KIAA0319L: variants seen among roughly 807,000 people sequenced by gnomAD.
KIAA0319L encodes KIAA0319 like.
KIAA0319L carries 55 observed loss-of-function variants against 120.1 expected under a neutral mutation model. The observed-to-expected ratio is 0.46, with a 90% confidence interval of 0.37 to 0.57. The LOEUF is 0.57. Among genes scored for constraint, KIAA0319L ranks in the 20% least tolerant of loss-of-function variants. The probability of loss-of-function intolerance (pLI) is 0.00; values close to 1 mark genes in which losing one functional copy is unlikely to be tolerated. For synonymous variants in KIAA0319L, 398 were observed against 471.9 expected, an observed-to-expected ratio of 0.84 and a Z score of 2.03; for missense variants, 1,049 against 1,255.3, an observed-to-expected ratio of 0.84 and a Z score of 2.48.
chr1:35,509,000 T>C (rs1645316123), intron 2 of KIAA0319L, among the ~76,000 whole-genome samples: 1 of 152,164 alleles, frequency 6.6e-6, no homozygotes, highest in Non-Finnish European at 1.5e-5. Flanking sequence ...ATAAAGCAAC[T>C]GTTTTTAGAC....
At chr1:35,481,762 G>C (rs988888214) in intron 3 of KIAA0319L, among the ~76,000 whole-genome samples, 27 of 147,076 alleles carry the variant, frequency 1.8e-4, no homozygotes, top group Non-Finnish European at 3.6e-4. Flanking sequence ...GATTCCTCAT[G>C]CTCCTTTGTA....
At chr1:35,541,247 A>T (rs1336846602) in intron 2 of KIAA0319L, among the ~76,000 whole-genome samples, 6 of 151,616 alleles carry the variant, frequency 4.0e-5, no homozygotes, top group Non-Finnish European at 5.9e-5. Context: ...TGGTCTTACC[A>T]CTGCATTTCT....
At chr1:35,454,182 A>C in intron 11 of KIAA0319L, 180 bp downstream of exon 11, 1 of 571,494 alleles carries the variant, frequency 1.7e-6, no homozygotes, top group Non-Finnish European at 3.0e-6. Context: ...GCTGGGAAGT[A>C]TCCTTCATCT....
Position 35,450,037 on chromosome 1 carries a change from G to A in KIAA0319L, c.2215-32C>T, listed in dbSNP as rs1000658028. The A allele has an allele frequency of 7.4e-6, 12 of 1,612,060 alleles. No individual in the cohort carries two copies. The African/African-American group carries it at 1.6e-4, about 22-fold the overall frequency. On this transcript the variant is annotated intron_variant, in intron 14 of 20. Transcript: ENST00000325722. ...GGTTGAACAACATGGCTATGTTACA[G>A]AACAAAATGCCATTCCTTTCCTGGA... is the stretch of plus-strand genomic sequence containing the variant.
At chr1:35,473,081 T>A (rs1012921678) in intron 5 of KIAA0319L, among the ~76,000 whole-genome samples, 4 of 88,072 alleles carry the variant, frequency 4.5e-5, no homozygotes, top group African/African-American at 2.8e-4. Context: ...GCGCCCAGCC[T>A]TTTTTTTTTT....
At chr1:35,473,080 CTTTTTTT>C (rs962861379) in intron 5 of KIAA0319L, among the ~76,000 whole-genome samples, 6 of 90,482 alleles carry the variant, frequency 6.6e-5, no homozygotes, top group South Asian at 4.1e-4. Context: ...TGCGCCCAGC[CTTTTTTT>C]TTTTTTTTTT....
intron 2 of KIAA0319L, among the ~76,000 whole-genome samples, chr1:35,544,086 G>T (rs1646893210): frequency 6.6e-6 from 1 of 152,112 alleles, no homozygotes; most frequent in Admixed American, 6.5e-5. Flanking sequence ...CTGAAGACTG[G>T]GCCGGGCATG....
intron 1 of KIAA0319L, among the ~76,000 whole-genome samples, chr1:35,555,861 T>C (rs1647923232): frequency 6.6e-6 from 1 of 152,178 alleles, no homozygotes; most frequent in African/African-American, 2.4e-5. Context: ...TTTTGAAAAA[T>C]GGAGTAATAA....
chr1:35,493,310 A>G (rs567096554), intron 3 of KIAA0319L, among the ~76,000 whole-genome samples: 54 of 152,288 alleles, frequency 3.5e-4, no homozygotes, highest in Non-Finnish European at 4.0e-4. Flanking sequence ...TATATGAAAT[A>G]CACAAATATA....
chr1:35,495,127 C>T (rs1356602088), intron 3 of KIAA0319L, among the ~76,000 whole-genome samples: 2 of 152,102 alleles, frequency 1.3e-5, no homozygotes, highest in African/African-American at 2.4e-5. Context: ...AATCCCAGCA[C>T]TTTGAGAGGA....
At chr1:35,512,609 C>T (rs1036810314) in intron 2 of KIAA0319L, among the ~76,000 whole-genome samples, 13 of 151,932 alleles carry the variant, frequency 8.6e-5, no homozygotes, top group Non-Finnish European at 1.5e-4. Context: ...TGGCTCATGC[C>T]TGTAATCCCA....
chr1:35,460,911 A>C (rs1249427681), intron 8 of KIAA0319L, among the ~76,000 whole-genome samples: 1 of 152,202 alleles, frequency 6.6e-6, no homozygotes, highest in Non-Finnish European at 1.5e-5. Context: ...GTACTTTGGC[A>C]ATATTTATCT....
At chr1:35,523,319 C>T (rs973246131) in intron 2 of KIAA0319L, among the ~76,000 whole-genome samples, 4 of 152,180 alleles carry the variant, frequency 2.6e-5, no homozygotes, top group Non-Finnish European at 4.4e-5. Context: ...GGTTTTCCAT[C>T]TTCTTTTATT....
intron 8 of KIAA0319L, 57 bp from the exon 9 acceptor site, chr1:35,460,494 C>T: frequency 1.3e-6 from 2 of 1,518,896 alleles, no homozygotes; most frequent in Non-Finnish European, 1.8e-6. Context: ...TAGCACTTAT[C>T]CAGTTTACAC....
chr1:35,477,059 C>A (rs1643919518), intron 4 of KIAA0319L, among the ~76,000 whole-genome samples: 1 of 152,094 alleles, frequency 6.6e-6, no homozygotes, highest in Admixed American at 6.6e-5. Context: ...CAAGGACAGG[C>A]AACCAAAGCG....
chr1:35,486,115 G>T (rs998123960), intron 3 of KIAA0319L, among the ~76,000 whole-genome samples: 24 of 152,130 alleles, frequency 1.6e-4, no homozygotes, highest in African/African-American at 5.1e-4. Context: ...CTTAGGCTGG[G>T]GTGTGGTGGC....
chr1:35,497,004 C>T (rs1280883662), intron 3 of KIAA0319L, among the ~76,000 whole-genome samples: 1 of 134,264 alleles, frequency 7.4e-6, no homozygotes, highest in African/African-American at 2.8e-5. Flanking sequence ...CATGAATGGA[C>T]ATAAAAACAT....
rs755101042 is a variant in KIAA0319L, at chr1:35,466,596, C to A, written c.1201+12G>T. ...GGGAGGAAGGGAGACACAGCCAGGG[C>A]TGAAAACATACCTGGCTTGACTGTC... is the stretch of plus-strand genomic sequence containing the variant. On this transcript the variant is annotated intron_variant, in intron 7 of 20. Transcript: ENST00000325722. 3.8e-6 allele frequency: 6 copies of A among 1,592,480 alleles called. No individual in the cohort carries two copies. The highest frequency in any genetic ancestry group is 5.2e-6 in the Non-Finnish European group (6 of 1,160,650).
chr1:35,472,353 G>A (rs1285378944), intron 5 of KIAA0319L, among the ~76,000 whole-genome samples: 2 of 151,760 alleles, frequency 1.3e-5, no homozygotes, highest in African/African-American at 4.8e-5. Flanking sequence ...GTGCAGTGGT[G>A]CAATCTCAGC....
Sources: gnomAD v4.1 joint callset for allele counts (sites outside exome capture counted in the v4.1 genomes callset) on GRCh38, gnomAD v4.1.1 for gene constraint, MANE v1.5 for transcripts, NCBI Gene and HGNC (gene_info 2026-07-23, HGNC 2026-07-21) for gene names.